The following ESPN variants were observed in gnomAD, a reference collection of about 807,000 sequenced individuals.
ESPN encodes espin, also known as autosomal recessive deafness type 36 protein.
In ESPN, 68 loss-of-function variants were observed where a neutral mutation model predicts 77.7. The observed-to-expected ratio is 0.87, with a 90% CI of 0.72 to 1.07. The LOEUF (loss-of-function observed/expected upper bound fraction) is 1.07, where lower values mean the gene tolerates loss of function less well. Among genes scored for constraint, ESPN ranks in the 50% least tolerant of loss-of-function variants. The pLI, the probability that ESPN is intolerant of heterozygous loss-of-function variation, is 0.00. For missense variants in ESPN, 1,060 were observed against 1,239.0 expected (o/e 0.86, Z 2.17); for synonymous variants, 449 against 567.1 (o/e 0.79, Z 2.96).
chr1:6,445,984 G>C (rs758296744), intron 7 of ESPN, 49 bp downstream of exon 7: 2 of 1,595,850 alleles, frequency 1.3e-6, no homozygotes, highest in South Asian at 2.2e-5. Context: ...GGACTGGGCT[G>C]ATGGGGGCCA....
In ESPN at chr1:6,453,391, G is replaced by T. The variant is rs370449202; in HGVS notation, c.2325+1295G>T. Reference sequence around the variant, plus strand: ...AACACAGCCAGCTGCAATGGGGAACGCAGGGGACTGGGGCAGCCCTAACCG... The same window carrying T: ...AACACAGCCAGCTGCAATGGGGAACTCAGGGGACTGGGGCAGCCCTAACCG... On this transcript the variant is annotated intron_variant, in intron 10 of 12. Coordinates refer to ENST00000645284, the MANE Select transcript of ESPN (RefSeq NM_031475.3). 8.0e-3 allele frequency among the ~76,000 whole-genome samples: 1,212 copies of T among 152,366 alleles called. 15 individuals carry two copies. Among genetic ancestry groups the T allele is most frequent in the South Asian group, 0.048 (232 of 4,826 alleles).
intron 6 of ESPN, among the ~76,000 whole-genome samples, chr1:6,444,974 A>G (rs1456642380): frequency 6.6e-6 from 1 of 152,186 alleles, no homozygotes; most frequent in African/African-American, 2.4e-5. Context: ...ACAAAAGCAC[A>G]CACTTGTACA....
intron 1 of ESPN, among the ~76,000 whole-genome samples, chr1:6,426,871 G>C (rs1438488477): frequency 6.6e-6 from 1 of 152,076 alleles, no homozygotes; most frequent in Non-Finnish European, 1.5e-5. Context: ...ACACAGGAGG[G>C]GCCTCGGTGT....
At chr1:6,452,154 TCCCCCACGCCA>T (rs1401717601) in intron 10 of ESPN, 58 bp downstream of exon 10, 3 of 1,479,980 alleles carry the variant, frequency 2.0e-6, no homozygotes, top group Non-Finnish European at 2.7e-6. Flanking sequence ...GCACAGCCCA[TCCCCCACGCCA>T]CCCCCAACCC....
chr1:6,428,286 G>A lies in ESPN; in HGVS notation c.355G>A (p.Val119Met), dbSNP rs1228925606. 1.2e-6 allele frequency: 2 copies of A among 1,613,476 alleles called. No homozygotes were observed. Among genetic ancestry groups the A allele is most frequent in the Admixed American group, 3.3e-5 (2 of 60,026 alleles). Residue 119 changes from valine (V) to methionine (M), a missense_variant, in exon 2 of 13, where the codon GTG becomes ATG. By Grantham distance (21) the Val-to-Met change is conservative. Transcript: ENST00000645284. This position sits in a 1 kb window ranked among gnomAD's most constrained non-coding sequence, Gnocchi z 5.4. ...HLAARFGHPE[V>M]VNWLLHHGGG... ...GGCTGCCCGCTTCGGCCACCCCGAGGTGGTGAACTGGCTCTTGCATCATGG... is the reference window on the plus strand; with the variant it reads ...GGCTGCCCGCTTCGGCCACCCCGAGATGGTGAACTGGCTCTTGCATCATGG...
Position 6,440,428 on chromosome 1 carries a change from CATCG to C in ESPN, c.664_667del (p.Ile222CysfsTer4). ...CGGCGCAGATGGGCCACAGCCCAGT[CATCG>C]TGTGGTTGGTGAGCTCCGGGCCCGG... On this transcript the variant is annotated frameshift_variant, in exon 3 of 13. Coordinates refer to ENST00000645284, the MANE Select transcript of ESPN (RefSeq NM_031475.3). LOFTEE classifies it high-confidence loss of function. 5 of 1,569,002 alleles carry C rather than the reference CATCG, an allele frequency of 3.2e-6. No individual in the cohort carries two copies. The highest frequency in any genetic ancestry group is 4.3e-6 in the Non-Finnish European group (5 of 1,160,648).
At position 6,428,544 on chromosome 1, in the gene ESPN, C is replaced by G. The variant is rs1178094878; in HGVS notation, c.488+125C>G. ...ATCCCTCCAGTGGCCATCCTGGGGC[C>G]AGAGGGCCAGGCCAGAGAAATGGCT... On this transcript the variant is annotated intron_variant, in intron 2 of 12. Coordinates refer to ENST00000645284, the MANE Select transcript of ESPN (RefSeq NM_031475.3). The surrounding 1 kb of genome is among the most constrained non-coding windows in gnomAD (Gnocchi z 5.4). The G allele has an allele frequency of 7.2e-6, 6 of 835,082 alleles. No homozygotes were observed. The highest frequency in any genetic ancestry group is 1.1e-5 in the Non-Finnish European group (6 of 541,062). The allele number at this position is 835,082 out of a possible 1,614,324, so 51.7% of individuals were successfully genotyped here.
At chr1:6,448,539 C>T (rs1643890023) in intron 7 of ESPN, 102 bp from the exon 8 acceptor site, 1 of 1,069,630 alleles carries the variant, frequency 9.3e-7, no homozygotes, top group Non-Finnish European at 1.3e-6. Context: ...CCTCGACGGC[C>T]GCTGGCCGCG....
At position 6,428,339 on chromosome 1, in the gene ESPN, C is replaced by T. The variant is rs776191127; in HGVS notation, c.408C>T (p.Asp136=). 8 of 1,612,884 alleles carry T rather than the reference C, an allele frequency of 5.0e-6. No homozygotes were observed. In the Admixed American group the frequency reaches 1.3e-4, roughly 27 times the overall value. ...HGGGDPTAAT[D]MGALPIHYAA... ...GTGGGGACCCCACCGCGGCCACAGA[C>T]ATGGGCGCCCTGCCTATCCACTACG... The change falls in exon 2 of 13, where the codon GAC becomes GAT. Residue 136 remains aspartate, a synonymous_variant. Coordinates refer to ENST00000645284, the MANE Select transcript of ESPN (RefSeq NM_031475.3). This position sits in a 1 kb window ranked among gnomAD's most constrained non-coding sequence, Gnocchi z 5.4.
chr1:6,449,216 C>T, intron 8 of ESPN, 125 bp downstream of exon 8: 1 of 993,192 alleles, frequency 1.0e-6, no homozygotes, highest in Non-Finnish European at 1.3e-6. Flanking sequence ...GTCTTCCGGC[C>T]ACCCCTACCC....
chr1:6,451,565 C>T lies in ESPN; in HGVS notation c.1916-38C>T, dbSNP rs1329160785. The T allele has an allele frequency of 6.2e-7, 1 of 1,604,110 alleles. No individual in the cohort carries two copies. Among genetic ancestry groups the T allele is most frequent in the Non-Finnish European group, 8.5e-7 (1 of 1,175,482 alleles). On this transcript the variant is annotated intron_variant, in intron 8 of 12. Coordinates refer to ENST00000645284, the MANE Select transcript of ESPN (RefSeq NM_031475.3). This position sits in a 1 kb window ranked among gnomAD's most constrained non-coding sequence, Gnocchi z 4.3. Reference sequence around the variant, plus strand: ...GGTGAGGGGTGGCGGGGATGCAGCCCCACCCTGGCCAGTGCCTCATCTCCT... The same window carrying T: ...GGTGAGGGGTGGCGGGGATGCAGCCTCACCCTGGCCAGTGCCTCATCTCCT...
intron 12 of ESPN, among the ~76,000 whole-genome samples, chr1:6,459,123 C>T (rs1414668263): frequency 6.6e-6 from 1 of 152,064 alleles, no homozygotes; most frequent in Admixed American, 6.6e-5. Context: ...CTCCTGTAAT[C>T]CCAGCTACTC....
rs1366895186 is a variant in ESPN, at chr1:6,451,992, C to G, written c.2221C>G (p.Pro741Ala). ...GCAGCTGGACGTGGAGGCTCTCATC[C>G]CCACGCACGATGAGCAGGGCCGGCC... ...GVQLDVEALI[P>A]THDEQGRPIP... Residue 741 changes from proline (P) to alanine (A), a missense_variant, in exon 10 of 13, where the codon CCC becomes GCC. Around this residue, in one of 3 missense-constraint regions of ESPN, gnomAD observed 374 missense variants for 381.4 expected, o/e 0.98. Coordinates refer to ENST00000645284, the MANE Select transcript of ESPN (RefSeq NM_031475.3). This position sits in a 1 kb window ranked among gnomAD's most constrained non-coding sequence, Gnocchi z 4.3. 1.1e-5 allele frequency: 18 copies of G among 1,607,584 alleles called. No individual in the cohort carries two copies. Among genetic ancestry groups the G allele is most frequent in the Non-Finnish European group, 1.4e-5 (17 of 1,177,146 alleles).
downstream of ESPN, chr1:6,461,367 A>G (rs1644165731): frequency 7.5e-6 from 11 of 1,461,756 alleles, no homozygotes; most frequent in Middle Eastern, 1.8e-4. The surrounding 1 kb of genome is among the most constrained non-coding windows in gnomAD (Gnocchi z 6.3). Flanking sequence ...GTCTACACGC[A>G]TAAGTAACCG....
In ESPN at chr1:6,449,059, G is replaced by T; in HGVS notation, c.1883G>T (p.Cys628Phe). Residue 628 changes from cysteine (C) to phenylalanine (F), a missense_variant, in exon 8 of 13, where the codon TGC (cysteine) becomes TTC (phenylalanine). Transcript: ENST00000645284. ...CCCCTCGAGAGCGCTGGCCCTGGCT[G>T]CGGGCAGCGCCGCTCCTCCTCGTCC... ...PLPLESAGPG[C>F]GQRRSSSSTG... 6.7e-7 allele frequency: 1 copy of T among 1,484,084 alleles called. No individual in the cohort carries two copies. Among genetic ancestry groups the T allele is most frequent in the Non-Finnish European group, 8.9e-7 (1 of 1,124,386 alleles). The allele number at this position is 1,484,084 out of a possible 1,614,324, so 91.9% of individuals were successfully genotyped here. A position where few individuals can be genotyped will look rare whatever the true frequency, so the allele number is the denominator to read the frequency against.
Position 6,425,004 on chromosome 1 carries a change from G to C in ESPN, c.49G>C (p.Val17Leu), listed in dbSNP as rs932347379. ...LQAARQGELD[V>L]LRSLHAAGLL... is the part of the protein sequence containing the mutation. ...GGCGGCGCGGCAGGGCGAGCTGGAC[G>C]TGCTGAGGTCGCTGCACGCCGCAGG... Residue 17 changes from valine (V) to leucine (L), a missense_variant, in exon 1 of 13, where the codon GTG becomes CTG. Transcript: ENST00000645284. 3.4e-6 allele frequency: 5 copies of C among 1,466,640 alleles called. No homozygotes were observed. The African/African-American group carries it at 4.4e-5, about 13-fold the overall frequency. The allele number at this position is 1,466,640 out of a possible 1,614,324, so 90.9% of individuals were successfully genotyped here. A position where few individuals can be genotyped will look rare whatever the true frequency, so the allele number is the denominator to read the frequency against.
intron 1 of ESPN, among the ~76,000 whole-genome samples, 177 bp downstream of exon 1, chr1:6,425,426 C>T (rs547694699): frequency 6.6e-6 from 1 of 152,356 alleles, no homozygotes; most frequent in South Asian, 2.1e-4. Context: ...CTTGCCAGTA[C>T]TGGGGCAGAT....
At chr1:6,425,374 C>A in intron 1 of ESPN, 125 bp downstream of exon 1, 2 of 1,231,260 alleles carry the variant, frequency 1.6e-6, no homozygotes, top group Non-Finnish European at 2.3e-6. Flanking sequence ...GAACCCTGCA[C>A]GGAGCTCCTT....
chr1:6,427,241 C>A lies in ESPN; in HGVS notation c.295-985C>A, dbSNP rs536988491. ...TCCTGCACCCAGAACCCTGCCCACC[C>A]CTCTGTCATCCTATGTGCTTGGTGC... On this transcript the variant is annotated intron_variant, in intron 1 of 12. Coordinates refer to ENST00000645284, the MANE Select transcript of ESPN (RefSeq NM_031475.3). The surrounding 1 kb of genome is among the most constrained non-coding windows in gnomAD (Gnocchi z 4.6). Among the ~76,000 whole-genome samples the A allele has an allele frequency of 1.6e-4, 24 of 152,248 alleles. No homozygotes were observed. In the East Asian group the frequency reaches 3.7e-3, roughly 23 times the overall value.
Sources: allele counts gnomAD v4.1 joint callset (sites outside exome capture counted in the v4.1 genomes callset), GRCh38; gene constraint gnomAD v4.1.1; regional missense constraint gnomAD v4.1.1; non-coding constraint Gnocchi (gnomAD v3.1); transcripts MANE v1.5; gene names NCBI Gene and HGNC (gene_info 2026-07-23, HGNC 2026-07-21).